The following BCHE variants were observed in gnomAD, a reference collection of about 807,000 sequenced individuals.
BCHE encodes the protein cholinesterase.
BCHE carries 48 observed loss-of-function variants against 51.3 expected under a neutral mutation model. The ratio of observed to expected loss-of-function variants is 0.94; its 90% CI spans 0.74 to 1.19. The LOEUF is 1.19. Among genes scored for constraint, BCHE ranks in the 50% most tolerant of loss-of-function variants. The pLI, the probability that BCHE is intolerant of heterozygous loss-of-function variation, is 0.00. For missense variants in BCHE, 847 were observed against 708.2 expected, an observed-to-expected ratio of 1.20 and a Z score of -2.23; for synonymous variants, 251 against 238.0, an observed-to-expected ratio of 1.05 and a Z score of -0.50.
At chr3:165,788,257 A>G (rs1233146074) in intron 2 of BCHE, among the ~76,000 whole-genome samples, 1 of 152,086 alleles carries the variant, frequency 6.6e-6, no homozygotes, top group Non-Finnish European at 1.5e-5. Context: ...CCATAAATTC[A>G]TATTTTATCA....
chr3:165,809,868 A>C (rs1260967560), intron 2 of BCHE, among the ~76,000 whole-genome samples: 1 of 152,142 alleles, frequency 6.6e-6, no homozygotes, highest in East Asian at 1.9e-4. Flanking sequence ...AAATTTCTTC[A>C]ACTGTCAACT....
intron 2 of BCHE, among the ~76,000 whole-genome samples, chr3:165,807,452 G>A (rs1279701955): frequency 2.0e-5 from 3 of 151,338 alleles, no homozygotes; most frequent in Non-Finnish European, 4.4e-5. Context: ...TACCATCAGC[G>A]GCATAGTACA....
chr3:165,803,320 AAAT>A (rs1713738841), intron 2 of BCHE, among the ~76,000 whole-genome samples: 1 of 152,188 alleles, frequency 6.6e-6, no homozygotes, highest in Non-Finnish European at 1.5e-5. Context: ...TCCGTTAAGT[AAAT>A]ACATGCTAAG....
chr3:165,777,838 A>ATCAACTTC (rs1178857975), intron 3 of BCHE: 1 of 429,010 alleles, frequency 2.3e-6, no homozygotes. Flanking sequence ...CTTTGTGATG[A>ATCAACTTC]TCAACTTCCA....
intron 2 of BCHE, among the ~76,000 whole-genome samples, chr3:165,821,379 T>G (rs572695875): frequency 6.6e-6 from 1 of 151,888 alleles, no homozygotes; most frequent in Non-Finnish European, 1.5e-5. Flanking sequence ...ATCCATAATT[T>G]CTTTGACCTT....
intron 2 of BCHE, among the ~76,000 whole-genome samples, chr3:165,817,013 G>T (rs1203526241): frequency 6.6e-6 from 1 of 151,842 alleles, no homozygotes; most frequent in Non-Finnish European, 1.5e-5. Flanking sequence ...GGAAAAACAG[G>T]TCCCTTAAAC....
chr3:165,790,278 C>T (rs1349769840), intron 2 of BCHE, among the ~76,000 whole-genome samples: 1 of 151,966 alleles, frequency 6.6e-6, no homozygotes, highest in Non-Finnish European at 1.5e-5. Context: ...AATAAAATCC[C>T]AATAAAAACT....
intron 2 of BCHE, among the ~76,000 whole-genome samples, chr3:165,812,352 C>T (rs1576858284): frequency 6.6e-6 from 1 of 150,450 alleles, no homozygotes; most frequent in East Asian, 1.9e-4. Context: ...CACAGTTTAT[C>T]AAGTATTTAT....
At chr3:165,786,360 A>G (rs761299543) in intron 2 of BCHE, 49 bp from the exon 3 acceptor site, 2 of 1,490,488 alleles carry the variant, frequency 1.3e-6, no homozygotes, top group South Asian at 1.2e-5. Context: ...TCATTGTTAG[A>G]TTAAAAAGAA....
intron 2 of BCHE, among the ~76,000 whole-genome samples, chr3:165,818,391 A>G (rs1359124392): frequency 6.6e-6 from 1 of 152,070 alleles, no homozygotes; most frequent in Non-Finnish European, 1.5e-5. Flanking sequence ...TGATTTTAGG[A>G]CTACTAAAGC....
intron 3 of BCHE, among the ~76,000 whole-genome samples, chr3:165,774,626 C>T (rs1712396310): frequency 6.6e-6 from 1 of 152,170 alleles, no homozygotes; most frequent in South Asian, 2.1e-4. Flanking sequence ...TCATGAACCA[C>T]CATCCCTGGC....
At chr3:165,832,283 T>C (rs750425532) in intron 1 of BCHE, among the ~76,000 whole-genome samples, 1 of 152,068 alleles carries the variant, frequency 6.6e-6, no homozygotes, top group East Asian at 1.9e-4. Flanking sequence ...GTGATGCAAA[T>C]ATCATTTAAA....
chr3:165,782,052 A>G (rs1434695194), intron 3 of BCHE, among the ~76,000 whole-genome samples: 1 of 152,134 alleles, frequency 6.6e-6, no homozygotes, highest in Non-Finnish European at 1.5e-5. Context: ...TTTTCAAAGC[A>G]TATTAATAGG....
intron 2 of BCHE, among the ~76,000 whole-genome samples, chr3:165,826,969 A>G (rs1366416113): frequency 6.6e-6 from 1 of 152,094 alleles, no homozygotes; most frequent in Admixed American, 6.6e-5. Context: ...AGGGCTCCAG[A>G]CATTGTTAAA....
chr3:165,785,582 T>C (rs1485127584), intron 3 of BCHE, among the ~76,000 whole-genome samples: 1 of 151,772 alleles, frequency 6.6e-6, no homozygotes, highest in African/African-American at 2.4e-5. Flanking sequence ...GTTTATAATA[T>C]GTAATATTAT....
intron 2 of BCHE, among the ~76,000 whole-genome samples, chr3:165,787,294 CA>C (rs1452654538): frequency 4.0e-5 from 6 of 151,816 alleles, no homozygotes; most frequent in Non-Finnish European, 8.8e-5. Context: ...TGGCTCTACA[CA>C]GTCACTACAT....
intron 2 of BCHE, among the ~76,000 whole-genome samples, chr3:165,823,183 T>A (rs1576667569): frequency 6.6e-6 from 1 of 152,132 alleles, no homozygotes; most frequent in East Asian, 1.9e-4. Flanking sequence ...ACCAAAGACA[T>A]CAAATTTGCA....
intron 2 of BCHE, among the ~76,000 whole-genome samples, chr3:165,807,990 T>C (rs1270768239): frequency 1.3e-5 from 2 of 151,878 alleles, no homozygotes; most frequent in East Asian, 3.9e-4. Flanking sequence ...TTTGTAGTTG[T>C]TGTTGTTGTT....
At chr3:165,773,586 C>A in intron 3 of BCHE, 80 bp from the exon 4 acceptor site, 1 of 1,283,318 alleles carries the variant, frequency 7.8e-7, no homozygotes, top group Non-Finnish European at 1.1e-6. Context: ...AATACAAAAG[C>A]CATTTTCTCT....
Sources: allele counts gnomAD v4.1 joint callset (sites outside exome capture counted in the v4.1 genomes callset), GRCh38; gene constraint gnomAD v4.1.1; transcripts MANE v1.5; gene names NCBI Gene and HGNC (gene_info 2026-07-23, HGNC 2026-07-21).